DPH6: variants seen among roughly 807,000 people sequenced by gnomAD.
DPH6 encodes diphthamine biosynthesis 6.
A neutral mutation model predicts 38.2 loss-of-function variants in DPH6; 33 were observed. That is an observed-to-expected ratio of 0.86 (90% CI 0.65 to 1.15). DPH6 has a LOEUF of 1.15. DPH6 is among the 50% of genes most tolerant of loss of function. DPH6 has a pLI of 0.00. For synonymous variants in DPH6, 108 were observed against 103.0 expected (o/e 1.05, Z -0.30); for missense variants, 325 against 320.0 (o/e 1.02, Z -0.12).
chr15:35,184,319 A>G, the DPH6 span, among the ~76,000 whole-genome samples: 15 of 152,318 alleles, frequency 9.8e-5, no homozygotes, highest in East Asian at 2.5e-3. Flanking sequence ...CTTCAAAGAA[A>G]GAAAAAGAAA....
In DPH6 at chr15:35,486,926, C is replaced by T. The variant is rs376774957; in HGVS notation, c.313-32106G>A. ...CAGGCATTGGGTAAATGCTCCCATT[C>T]GGAATGGGAGAAATTGGCTCAAACC... On this transcript the variant is annotated intron_variant, in intron 3 of 8. Coordinates refer to ENST00000256538, the MANE Select transcript of DPH6 (RefSeq NM_080650.4). Among the ~76,000 whole-genome samples, 24 of 152,222 alleles carry T rather than the reference C, an allele frequency of 1.6e-4. No individual in the cohort carries two copies. In the South Asian group the frequency reaches 2.9e-3, roughly 18 times the overall value.
downstream of DPH6, among the ~76,000 whole-genome samples, chr15:35,367,043 A>C (rs573583505): frequency 4.6e-5 from 7 of 152,032 alleles, no homozygotes; most frequent in Admixed American, 3.9e-4. Flanking sequence ...AGCAAAATAA[A>C]ATGAAAGAGC....
At chr15:35,449,480 C>T (rs181106330) in intron 5 of DPH6, among the ~76,000 whole-genome samples, 158 of 152,068 alleles carry the variant, frequency 1.0e-3, no homozygotes, top group African/African-American at 3.7e-3. Flanking sequence ...ATCTATCGGG[C>T]AGTAAAAGGA....
At chr15:35,496,629 A>T (rs1209367737) in intron 3 of DPH6, among the ~76,000 whole-genome samples, 1 of 140,164 alleles carries the variant, frequency 7.1e-6, no homozygotes, top group Non-Finnish European at 1.5e-5. Flanking sequence ...AAGAGAACCA[A>T]ATAGAAAAAT....
the DPH6 span, among the ~76,000 whole-genome samples, chr15:35,207,087 C>T: frequency 8.7e-6 from 1 of 114,906 alleles, no homozygotes; most frequent in Non-Finnish European, 1.8e-5. Flanking sequence ...CACTTTGTTG[C>T]CCAGGCTAGA....
intron 3 of DPH6, among the ~76,000 whole-genome samples, chr15:35,533,991 T>C (rs962199188): frequency 5.3e-5 from 8 of 152,058 alleles, no homozygotes; most frequent in Non-Finnish European, 1.2e-4. Context: ...TCCTCTTGTA[T>C]TATTCTTGGA....
At chr15:35,541,412 T>C (rs780551495) in intron 2 of DPH6, among the ~76,000 whole-genome samples, 8 of 152,120 alleles carry the variant, frequency 5.3e-5, no homozygotes, top group East Asian at 1.9e-4. Context: ...AAAAGGAAGA[T>C]AGAAGATATG....
the DPH6 span, among the ~76,000 whole-genome samples, chr15:35,206,506 A>C: frequency 6.6e-6 from 1 of 152,160 alleles, no homozygotes; most frequent in Non-Finnish European, 1.5e-5. Context: ...ATGCTGTGGA[A>C]TCTTTGCTTC....
intron 3 of DPH6, among the ~76,000 whole-genome samples, chr15:35,254,655 G>A (rs188313687): frequency 1.3e-5 from 2 of 152,210 alleles, no homozygotes; most frequent in East Asian, 3.9e-4. Context: ...AGGTAAAAAA[G>A]GTAGTGCTTG....
At chr15:35,397,869 A>ATACACACGCG (rs1555398531) in intron 6 of DPH6, among the ~76,000 whole-genome samples, 4 of 108,494 alleles carry the variant, frequency 3.7e-5, no homozygotes, top group African/African-American at 1.4e-4. Flanking sequence ...TTATATATAT[A>ATACACACGCG]CACACACACA....
At chr15:35,511,649 G>C (rs113957562) in intron 3 of DPH6, among the ~76,000 whole-genome samples, 1 of 151,886 alleles carries the variant, frequency 6.6e-6, no homozygotes, top group African/African-American at 2.4e-5. Context: ...TGCTCAAGTC[G>C]GTGTAATAGC....
chr15:35,285,878 T>TTTTTTTTTTTTTTTTG, intron 3 of DPH6, among the ~76,000 whole-genome samples: 1 of 135,530 alleles, frequency 7.4e-6, no homozygotes, highest in African/African-American at 2.7e-5. Context: ...TTGAGTTTTT[T>TTTTTTTTTTTTTTTTG]TTTTTTTTTT....
intron 3 of DPH6, among the ~76,000 whole-genome samples, chr15:35,294,419 T>C (rs900073995): frequency 3.3e-5 from 5 of 152,224 alleles, no homozygotes; most frequent in African/African-American, 7.2e-5. Flanking sequence ...AGTAGGTTTG[T>C]AGTATTGTCC....
At chr15:35,226,727 A>G (rs926063806) in intron 3 of DPH6, among the ~76,000 whole-genome samples, 3 of 152,256 alleles carry the variant, frequency 2.0e-5, no homozygotes, top group Non-Finnish European at 4.4e-5. Context: ...GATTGGAAGA[A>G]TGAATACAGT....
At chr15:35,196,102 T>C in the DPH6 span, among the ~76,000 whole-genome samples, 2 of 152,310 alleles carry the variant, frequency 1.3e-5, no homozygotes, top group East Asian at 3.9e-4. Flanking sequence ...GTCATGTTTA[T>C]AATGGGATCC....
At chr15:35,257,632 G>A (rs2051717008) in intron 3 of DPH6, among the ~76,000 whole-genome samples, 1 of 152,134 alleles carries the variant, frequency 6.6e-6, no homozygotes, top group Non-Finnish European at 1.5e-5. Context: ...CACTGTAGGA[G>A]ATAAAATCTT....
chr15:35,362,287 A>G (rs1215143105), intron 3 of DPH6, among the ~76,000 whole-genome samples: 1 of 152,042 alleles, frequency 6.6e-6, no homozygotes, highest in Non-Finnish European at 1.5e-5. Context: ...CAAGCCACTG[A>G]GCTCTCTTTG....
intron 6 of DPH6, among the ~76,000 whole-genome samples, chr15:35,383,502 T>C (rs756030373): frequency 2.6e-5 from 4 of 152,236 alleles, no homozygotes; most frequent in Non-Finnish European, 5.9e-5. Context: ...TCTTGGTCTC[T>C]TGAAGCTTAC....
chr15:35,475,895 C>G (rs2062397114), intron 3 of DPH6, among the ~76,000 whole-genome samples: 1 of 151,546 alleles, frequency 6.6e-6, no homozygotes, highest in South Asian at 2.1e-4. Flanking sequence ...CCTCAAGAAG[C>G]TTATATATAG....
Sources: allele counts gnomAD v4.1 joint callset (sites outside exome capture counted in the v4.1 genomes callset), GRCh38; gene constraint gnomAD v4.1.1; transcripts MANE v1.5; gene names NCBI Gene and HGNC (gene_info 2026-07-23, HGNC 2026-07-21).